The following SCNN1B variants were observed in gnomAD, a reference collection of about 807,000 sequenced individuals.
SCNN1B encodes the protein sodium channel epithelial 1 subunit beta.
Under a neutral mutation model 65.3 loss-of-function variants are expected in SCNN1B, and 46 were observed. The ratio of observed to expected loss-of-function variants is 0.70; its 90% CI spans 0.56 to 0.90. The LOEUF is 0.90. SCNN1B is among the 40% of genes least tolerant of loss of function. SCNN1B has a pLI of 0.00. For synonymous variants in SCNN1B, 349 were observed against 330.6 expected (o/e 1.06, Z -0.60); for missense variants, 751 against 830.5 (o/e 0.90, Z 1.18).
chr16:23,361,138 C>T (rs192075803), intron 4 of SCNN1B, among the ~76,000 whole-genome samples: 1 of 152,238 alleles, frequency 6.6e-6, no homozygotes, highest in African/African-American at 2.4e-5. Flanking sequence ...CCATGTTTGC[C>T]AGGCTGGTCT....
intron 1 of SCNN1B, among the ~76,000 whole-genome samples, chr16:23,342,190 A>G (rs1047082430): frequency 2.0e-5 from 3 of 152,240 alleles, no homozygotes; most frequent in African/African-American, 7.2e-5. Context: ...GCTGCAACGT[A>G]CCTTTAAAAC....
At chr16:23,379,145 T>TC (rs1174792661) in intron 11 of SCNN1B, among the ~76,000 whole-genome samples, 23 of 143,724 alleles carry the variant, frequency 1.6e-4, no homozygotes, top group African/African-American at 6.3e-4. Context: ...CACTCATTCA[T>TC]CCTCCATTCT....
Position 23,371,630 on chromosome 16 carries a change from G to A in SCNN1B, c.1045-146G>A, listed in dbSNP as rs1962786633. ...GGTGGCCCAAGCTTTAGGGGAAGGTGAGCCCTCTGGCGCCCCCTCTGGCGC... is the reference window on the plus strand; with the variant it reads ...GGTGGCCCAAGCTTTAGGGGAAGGTAAGCCCTCTGGCGCCCCCTCTGGCGC... On this transcript the variant is annotated intron_variant, in intron 6 of 12. Transcript: ENST00000343070. The A allele has an allele frequency of 9.2e-6, 9 of 982,900 alleles. No homozygotes were observed. In the East Asian group the frequency reaches 2.3e-4, roughly 25 times the overall value. 60.9% of individuals were successfully genotyped at this position (982,900 alleles called of 1,614,324 possible). A position where few individuals can be genotyped will look rare whatever the true frequency, so the allele number is the denominator to read the frequency against.
At position 23,380,122 on chromosome 16, in the gene SCNN1B, T is replaced by G. The variant is rs763423050; in HGVS notation, c.1495T>G (p.Phe499Val). The change falls in exon 12 of 13, where the codon TTC becomes GTC. Residue 499 changes from phenylalanine to valine, a missense_variant. Physicochemically the swap from Phe to Val is conservative, Grantham distance 50. Transcript: ENST00000343070. The surrounding 1 kb of genome is among the most constrained non-coding windows in gnomAD (Gnocchi z 5.4). ...GGGAATTGTCAAGCTCAACATCTAC[T>G]TCCAAGAATTTAACTATCGCACCAT... ...RKGIVKLNIY[F>V]QEFNYRTIEE... 3.7e-6 allele frequency: 6 copies of G among 1,614,070 alleles called. No homozygotes were observed. Among genetic ancestry groups the G allele is most frequent in the Non-Finnish European group, 5.1e-6 (6 of 1,179,988 alleles).
chr16:23,318,017 G>T (rs1193057454), intron 1 of SCNN1B, among the ~76,000 whole-genome samples: 2 of 152,250 alleles, frequency 1.3e-5, no homozygotes, highest in Non-Finnish European at 2.9e-5. Context: ...TGCAGCTCAA[G>T]GCAGAGAAAG....
At chr16:23,294,780 G>A (rs1284809038) in intron 2 of SCNN1B, among the ~76,000 whole-genome samples, 2 of 151,982 alleles carry the variant, frequency 1.3e-5, no homozygotes, top group East Asian at 1.9e-4. Flanking sequence ...ATCACTTCAG[G>A]TCAGGAGCTC....
At chr16:23,342,188 G>A (rs531901157) in intron 1 of SCNN1B, among the ~76,000 whole-genome samples, 3 of 152,310 alleles carry the variant, frequency 2.0e-5, no homozygotes, top group Admixed American at 6.5e-5. Flanking sequence ...ATGCTGCAAC[G>A]TACCTTTAAA....
At chr16:23,281,683 A>G (rs533118684) in intron 1 of SCNN1B, among the ~76,000 whole-genome samples, 1 of 152,348 alleles carries the variant, frequency 6.6e-6, no homozygotes, top group South Asian at 2.1e-4. Flanking sequence ...AGTTTCTGAC[A>G]TGTCCTGGTT....
At chr16:23,291,133 C>G (rs1398160031) in intron 2 of SCNN1B, among the ~76,000 whole-genome samples, 2 of 149,508 alleles carry the variant, frequency 1.3e-5, no homozygotes, top group Non-Finnish European at 3.0e-5. Flanking sequence ...GTGATCTTGG[C>G]TCACTGCAAC....
intron 1 of SCNN1B, among the ~76,000 whole-genome samples, chr16:23,279,826 G>A (rs911048170): frequency 3.3e-5 from 5 of 152,140 alleles, no homozygotes; most frequent in African/African-American, 4.8e-5. Flanking sequence ...CTGGGAGGGT[G>A]GAGGAAGCCT....
At chr16:23,377,849 A>G (rs1962947333) in intron 10 of SCNN1B, among the ~76,000 whole-genome samples, 1 of 150,706 alleles carries the variant, frequency 6.6e-6, no homozygotes, top group South Asian at 2.1e-4. Context: ...TGTGCTGTGT[A>G]CACAGCACAG....
chr16:23,286,618 A>T lies in SCNN1B; in HGVS notation n.178+2814A>T, dbSNP rs192758066. Among the ~76,000 whole-genome samples the T allele has an allele frequency of 4.8e-3, 739 of 152,378 alleles. 6 individuals are homozygous for T. Among genetic ancestry groups the T allele is most frequent in the Non-Finnish European group, 8.5e-3 (578 of 68,034 alleles). On this transcript the variant is annotated intron_variant and non_coding_transcript_variant, in intron 2 of 3. Transcript: ENST00000569789. ...TAGATTTAGCTTCTAGTTTATAGGA[A>T]ATACAGCAGACAGCAGGACAAATTA...
At chr16:23,325,416 A>G (rs1961674614) in intron 1 of SCNN1B, among the ~76,000 whole-genome samples, 1 of 151,634 alleles carries the variant, frequency 6.6e-6, no homozygotes, top group African/African-American at 2.4e-5. Flanking sequence ...ACCTTCCTGC[A>G]CCACCATGCC....
chr16:23,371,237 G>T, intron 5 of SCNN1B, 62 bp from the exon 6 acceptor site: 2 of 1,586,418 alleles, frequency 1.3e-6, no homozygotes, highest in Non-Finnish European at 1.7e-6. Flanking sequence ...GAAGTGGGTA[G>T]TGGGGTCTCC....
intron 4 of SCNN1B, among the ~76,000 whole-genome samples, chr16:23,363,368 G>C (rs1487695085): frequency 2.6e-5 from 4 of 152,232 alleles, no homozygotes; most frequent in Non-Finnish European, 4.4e-5. Flanking sequence ...CAGCTGCTAA[G>C]GGACACAGCC....
chr16:23,279,395 A>T (rs979751360), intron 1 of SCNN1B, among the ~76,000 whole-genome samples: 4 of 151,978 alleles, frequency 2.6e-5, no homozygotes, highest in African/African-American at 9.7e-5. Context: ...CTGAAACCTT[A>T]AAGATCAGGG....
chr16:23,347,424 C>A (rs577224681), intron 1 of SCNN1B, among the ~76,000 whole-genome samples: 1 of 152,156 alleles, frequency 6.6e-6, no homozygotes, highest in Non-Finnish European at 1.5e-5. Context: ...TTGATATGTT[C>A]TTGGAAACTG....
intron 6 of SCNN1B, 45 bp downstream of exon 6, chr16:23,371,507 G>A (rs548483464): frequency 1.3e-6 from 2 of 1,595,772 alleles, no homozygotes; most frequent in South Asian, 1.1e-5. Flanking sequence ...CTGAGGGTGG[G>A]AGCCCACCTG....
At chr16:23,288,603 A>G (rs1261972328) in intron 2 of SCNN1B, among the ~76,000 whole-genome samples, 1 of 152,214 alleles carries the variant, frequency 6.6e-6, no homozygotes, top group Non-Finnish European at 1.5e-5. Flanking sequence ...CAGCAGTTTA[A>G]GACCAGCCTG....
Sources: gnomAD v4.1 joint callset for allele counts (sites outside exome capture counted in the v4.1 genomes callset) on GRCh38, gnomAD v4.1.1 for gene constraint, Gnocchi (gnomAD v3.1) non-coding constraint, MANE v1.5 for transcripts, NCBI Gene and HGNC (gene_info 2026-07-23, HGNC 2026-07-21) for gene names.